DSTN: variants seen among roughly 807,000 people sequenced by gnomAD.
DSTN encodes destrin.
DSTN carries 10 observed loss-of-function variants against 16.8 expected under a neutral mutation model. That is an observed-to-expected ratio of 0.60 (90% CI 0.37 to 1.01). The LOEUF is 1.01. Ranked by LOEUF, DSTN falls within the 50% of genes least tolerant of loss-of-function variation. The pLI is 0.01. For missense variants in DSTN, 141 were observed against 196.7 expected, an observed-to-expected ratio of 0.72 and a Z score of 1.69; for synonymous variants, 57 against 58.9, an observed-to-expected ratio of 0.97 and a Z score of 0.14.
chr20:17,605,155 A>G (rs978700583), intron 3 of DSTN: 14 of 456,232 alleles, frequency 3.1e-5, no homozygotes, highest in African/African-American at 2.8e-4. Flanking sequence ...TTGACTTGCC[A>G]CTGGGTGATT....
At chr20:17,593,937 C>G (rs1202264678) in intron 1 of DSTN, among the ~76,000 whole-genome samples, 1 of 151,898 alleles carries the variant, frequency 6.6e-6, no homozygotes, top group African/African-American at 2.4e-5. Context: ...TAAAAATTAG[C>G]TGGGCATGGT....
At chr20:17,596,595 A>G in intron 1 of DSTN, 1 of 984,362 alleles carries the variant, frequency 1.0e-6, no homozygotes, top group South Asian at 4.7e-5. Flanking sequence ...TGTAGTTCAG[A>G]GCTTTCTTCT....
chr20:17,573,873 G>C lies in DSTN; in HGVS notation c.3+3662G>C, dbSNP rs188271073. On this transcript the variant is annotated intron_variant, in intron 1 of 3. Coordinates refer to ENST00000246069, the MANE Select transcript of DSTN (RefSeq NM_006870.4). ...CCATCTTCACCTAAGCTTATTTGCAGAGCCATAAAGTAAATGTAGCAGTAA... is the reference window on the plus strand; with the variant it reads ...CCATCTTCACCTAAGCTTATTTGCACAGCCATAAAGTAAATGTAGCAGTAA... Among the ~76,000 whole-genome samples, 309 of 146,644 alleles carry C rather than the reference G, an allele frequency of 2.1e-3. 1 individual carries two copies. Among genetic ancestry groups the C allele is most frequent in the African/African-American group, 7.5e-3 (298 of 39,808 alleles).
Position 17,608,763 on chromosome 20 carries a change from G to C in DSTN, c.*1617G>C, listed in dbSNP as rs1163334164. 1.3e-5 allele frequency: 2 copies of C among 152,158 alleles called. No individual in the cohort carries two copies. Among genetic ancestry groups the C allele is most frequent in the African/African-American group, 4.8e-5 (2 of 41,532 alleles). The allele number at this position is 152,158 out of a possible 1,614,324, so 9.4% of individuals were successfully genotyped here. ...TCACATTTAAAATTTAGAAAATAGA[G>C]AAAAGGGAAATTATACATTGTCCTA... On this transcript the variant is annotated 3_prime_UTR_variant, in exon 4 of 4. Coordinates refer to ENST00000246069, the MANE Select transcript of DSTN (RefSeq NM_006870.4).
chr20:17,603,463 C>T (rs1349650489), intron 2 of DSTN, among the ~76,000 whole-genome samples: 1 of 152,122 alleles, frequency 6.6e-6, no homozygotes, highest in Non-Finnish European at 1.5e-5. Context: ...GTCACAGGCT[C>T]CAAGAACTGA....
At chr20:17,578,710 C>T in intron 1 of DSTN, among the ~76,000 whole-genome samples, 1 of 152,156 alleles carries the variant, frequency 6.6e-6, no homozygotes, top group East Asian at 1.9e-4. Context: ...CCTGTTATCC[C>T]AGCACTTCGG....
chr20:17,570,436 A>C (rs527349802), intron 1 of DSTN, among the ~76,000 whole-genome samples: 1 of 152,318 alleles, frequency 6.6e-6, no homozygotes, highest in East Asian at 1.9e-4. Context: ...GCTGTTGCGC[A>C]GCTCCCAGCT....
intron 1 of DSTN, among the ~76,000 whole-genome samples, chr20:17,572,609 A>G (rs974935907): frequency 1.3e-5 from 2 of 152,190 alleles, no homozygotes; most frequent in Non-Finnish European, 2.9e-5. Context: ...TCACAGACTG[A>G]ACTAATTGGC....
intron 1 of DSTN, among the ~76,000 whole-genome samples, chr20:17,588,826 A>T (rs7269256): frequency 0.016 from 2,366 of 152,288 alleles, 25 homozygotes; most frequent in South Asian, 0.035. Context: ...GTTCTGTTGG[A>T]CAGCACGGCT....
rs538567563 is a variant in DSTN at position 17,570,489 on chromosome 20, C to T, written c.3+278C>T. The stretch of plus-strand genomic sequence containing the variant: ...CTGAGCGTGGCCTCTGCGGGTGTCT[C>T]CAGACCCGGCCTTGCAACAACTGGC... On this transcript the variant is annotated intron_variant, in intron 1 of 3. Transcript: ENST00000246069. 4.3e-3 allele frequency among the ~76,000 whole-genome samples: 651 copies of T among 152,288 alleles called. 3 individuals are homozygous for T. The highest frequency in any genetic ancestry group is 0.015 in the African/African-American group (611 of 41,564).
At chr20:17,589,493 C>CA (rs1316349934) in intron 1 of DSTN, among the ~76,000 whole-genome samples, 1 of 152,236 alleles carries the variant, frequency 6.6e-6, no homozygotes, top group Non-Finnish European at 1.5e-5. Flanking sequence ...GCGTGAGCCG[C>CA]AGCGCCCAGC....
intron 1 of DSTN, among the ~76,000 whole-genome samples, chr20:17,598,955 A>G (rs1055122223): frequency 6.6e-6 from 1 of 152,138 alleles, no homozygotes; most frequent in African/African-American, 2.4e-5. Flanking sequence ...TGACCCAACA[A>G]TTCCACTCCT....
intron 1 of DSTN, among the ~76,000 whole-genome samples, chr20:17,574,844 C>G (rs567382537): frequency 1.3e-5 from 1 of 79,704 alleles, no homozygotes; most frequent in Middle Eastern, 7.4e-3. Flanking sequence ...TTTTTTCTTT[C>G]TTTTCTTTTT....
intron 1 of DSTN, among the ~76,000 whole-genome samples, chr20:17,597,320 G>C (rs964419651): frequency 1.3e-5 from 2 of 152,206 alleles, no homozygotes; most frequent in South Asian, 4.1e-4. Context: ...ATGTGGAGTA[G>C]ATGGCATTGG....
At chr20:17,586,290 T>C (rs530958190) in intron 1 of DSTN, among the ~76,000 whole-genome samples, 1 of 152,340 alleles carries the variant, frequency 6.6e-6, no homozygotes, top group African/African-American at 2.4e-5. Context: ...TTTATTGCTA[T>C]GGTCTAGAAT....
intron 3 of DSTN, among the ~76,000 whole-genome samples, chr20:17,606,533 T>C (rs922178459): frequency 6.6e-6 from 1 of 152,260 alleles, no homozygotes; most frequent in African/African-American, 2.4e-5. Context: ...ATTTTCTTAC[T>C]AGACCTGCCT....
At chr20:17,596,243 G>C (rs559396564) in intron 1 of DSTN, among the ~76,000 whole-genome samples, 1 of 151,340 alleles carries the variant, frequency 6.6e-6, no homozygotes, top group African/African-American at 2.4e-5. Flanking sequence ...TAATTTTTAC[G>C]TACTCAGTGG....
chr20:17,587,220 A>T (rs78992417), intron 1 of DSTN, among the ~76,000 whole-genome samples: 1 of 144,342 alleles, frequency 6.9e-6, no homozygotes, highest in Non-Finnish European at 1.5e-5. Flanking sequence ...AAAAAAAAAA[A>T]TTCTTGTTAT....
Position 17,600,923 on chromosome 20 carries a change from C to T in DSTN, c.189C>T (p.Thr63=), listed in dbSNP as rs772655820. 6 of 1,613,912 alleles carry T rather than the reference C, an allele frequency of 3.7e-6. No individual in the cohort carries two copies. Among genetic ancestry groups the T allele is most frequent in the Non-Finnish European group, 5.1e-6 (6 of 1,179,922 alleles). ...KEILVGDVGV[T]ITDPFKHFVG... ...TCTTGGTTGGAGATGTTGGTGTAACCATAACTGATCCTTTCAAGCATTTTG... is the reference window on the plus strand; with the variant it reads ...TCTTGGTTGGAGATGTTGGTGTAACTATAACTGATCCTTTCAAGCATTTTG... The change falls in exon 2 of 4, where the codon ACC becomes ACT. Residue 63 remains threonine, a synonymous_variant. Coordinates refer to ENST00000246069, the MANE Select transcript of DSTN (RefSeq NM_006870.4).
Sources: gnomAD v4.1 joint callset for allele counts (sites outside exome capture counted in the v4.1 genomes callset) on GRCh38, gnomAD v4.1.1 for gene constraint, MANE v1.5 for transcripts, NCBI Gene and HGNC (gene_info 2026-07-23, HGNC 2026-07-21) for gene names.